SYN2: variants seen among roughly 807,000 people sequenced by gnomAD.
The protein encoded by SYN2 is synapsin-2.
SYN2 carries 19 observed loss-of-function variants against 50.9 expected under a neutral mutation model. That is an observed-to-expected ratio of 0.37 (90% CI 0.26 to 0.55). The LOEUF (loss-of-function observed/expected upper bound fraction) is 0.55, where lower values mean the gene tolerates loss of function less well. Ranked by LOEUF, SYN2 falls within the 20% of genes least tolerant of loss-of-function variation. The probability of loss-of-function intolerance (pLI) is 0.81; values close to 1 mark genes in which losing one functional copy is unlikely to be tolerated. For synonymous variants in SYN2, 255 were observed against 224.9 expected, an observed-to-expected ratio of 1.13 and a Z score of -1.20; for missense variants, 587 against 576.4, an observed-to-expected ratio of 1.02 and a Z score of -0.19.
At chr3:12,073,940 T>C (rs186953841) in intron 1 of SYN2, among the ~76,000 whole-genome samples, 1 of 152,178 alleles carries the variant, frequency 6.6e-6, no homozygotes, top group African/African-American at 2.4e-5. Context: ...AGAGGTTTGT[T>C]AAAATCTACC....
chr3:12,158,809 C>A (rs1338081729), intron 5 of SYN2: 1 of 1,599,422 alleles, frequency 6.3e-7, no homozygotes, highest in East Asian at 2.2e-5. Context: ...CAACAGCACC[C>A]AGCTTGGCGC....
At chr3:12,056,902 C>T (rs1341741412) in intron 1 of SYN2, among the ~76,000 whole-genome samples, 3 of 152,146 alleles carry the variant, frequency 2.0e-5, no homozygotes, top group Non-Finnish European at 2.9e-5. Flanking sequence ...CATGTATATT[C>T]TCACCCTCTC....
chr3:12,061,616 C>T (rs1175243062), intron 1 of SYN2, among the ~76,000 whole-genome samples: 1 of 151,978 alleles, frequency 6.6e-6, no homozygotes, highest in Non-Finnish European at 1.5e-5. Flanking sequence ...TCTTTGTTCA[C>T]AGGTGACATG....
chr3:12,122,273 T>C (rs932416344), intron 1 of SYN2, among the ~76,000 whole-genome samples: 2 of 152,166 alleles, frequency 1.3e-5, no homozygotes, highest in Non-Finnish European at 2.9e-5. Flanking sequence ...CCAGAAGTAA[T>C]TTGAACTCAA....
At chr3:12,161,454 C>T in intron 5 of SYN2, 92 bp from the exon 6 acceptor site, 1 of 1,441,792 alleles carries the variant, frequency 6.9e-7, no homozygotes, top group Non-Finnish European at 9.6e-7. Flanking sequence ...TTAAAGAACC[C>T]TCCCAAGGGT....
At chr3:12,167,020 T>C (rs1697815690) in intron 7 of SYN2, among the ~76,000 whole-genome samples, 1 of 152,212 alleles carries the variant, frequency 6.6e-6, no homozygotes, top group Admixed American at 6.5e-5. Flanking sequence ...GCCAGAGCTG[T>C]CTGGGCAAGA....
intron 1 of SYN2, among the ~76,000 whole-genome samples, chr3:12,116,726 T>G (rs1696439831): frequency 6.6e-6 from 1 of 152,170 alleles, no homozygotes; most frequent in Non-Finnish European, 1.5e-5. Context: ...CTGTGAGCTC[T>G]AAAATCTAGG....
At position 12,004,863 on chromosome 3, in the gene SYN2, T is replaced by TCCCGCG. The variant is rs1297335727; in HGVS notation, c.318_323dup (p.Pro107_Ala108dup). The TCCCGCG allele has an allele frequency of 5.3e-6, 3 of 562,016 alleles. No individual in the cohort carries two copies. The African/African-American group carries it at 6.0e-5, about 11-fold the overall frequency. 34.8% of individuals were successfully genotyped at this position (562,016 alleles called of 1,614,324 possible). A position where few individuals can be genotyped will look rare whatever the true frequency, so the allele number is the denominator to read the frequency against. On this transcript the variant is annotated inframe_insertion, in exon 1 of 13. Coordinates refer to ENST00000621198, the MANE Select transcript of SYN2 (RefSeq NM_133625.6). ...CGGCTGGCCTGGTGGACGCGCCCGC[T>TCCCGCG]CCCGCGCCCGCAGCCGCCAGGAAGG...
At chr3:12,069,296 T>C (rs1341193310) in intron 1 of SYN2, among the ~76,000 whole-genome samples, 2 of 151,680 alleles carry the variant, frequency 1.3e-5, no homozygotes, top group Non-Finnish European at 2.9e-5. Flanking sequence ...TCACCCAGGC[T>C]GGAGTGCAGT....
intron 9 of SYN2, 44 bp downstream of exon 9, chr3:12,168,522 G>A: frequency 6.5e-7 from 1 of 1,529,004 alleles, no homozygotes; most frequent in Non-Finnish European, 9.0e-7. Context: ...TAAGGCTTAA[G>A]AACTATGTGG....
At chr3:12,140,564 G>T in intron 1 of SYN2, 87 bp from the exon 2 acceptor site, 1 of 716,524 alleles carries the variant, frequency 1.4e-6, no homozygotes, top group Non-Finnish European at 2.6e-6. Flanking sequence ...AGATCTGTCT[G>T]CTGTGGTCCT....
intron 1 of SYN2, among the ~76,000 whole-genome samples, chr3:12,045,699 C>T (rs1183572193): frequency 6.6e-6 from 1 of 152,176 alleles, no homozygotes; most frequent in Non-Finnish European, 1.5e-5. Flanking sequence ...TTTGCCCCTA[C>T]AATCTCCACC....
intron 1 of SYN2, among the ~76,000 whole-genome samples, chr3:12,104,473 T>TA (rs750405752): frequency 1.3e-5 from 2 of 151,736 alleles, no homozygotes; most frequent in Non-Finnish European, 1.5e-5. Context: ...ATGTGATTAA[T>TA]ATGTATGATC....
chr3:12,056,309 G>C (rs1426245553), intron 1 of SYN2, among the ~76,000 whole-genome samples: 1 of 152,022 alleles, frequency 6.6e-6, no homozygotes, highest in African/African-American at 2.4e-5. Context: ...ACTGGGACTG[G>C]GTATTGAAGT....
At chr3:12,179,262 A>G (rs1294005847) in intron 10 of SYN2, among the ~76,000 whole-genome samples, 2 of 20,438 alleles carry the variant, frequency 9.8e-5, no homozygotes, top group Non-Finnish European at 7.7e-5. Flanking sequence ...CACAGGTCCA[A>G]TAACCCTAGG....
At chr3:12,159,404 T>G (rs2125233874) in intron 5 of SYN2, 1 of 153,240 alleles carries the variant, frequency 6.5e-6, no homozygotes, top group East Asian at 1.9e-4. Flanking sequence ...CTGCAGGAAG[T>G]GCTTTCAATG....
At chr3:12,155,568 G>T (rs1411944182) in intron 5 of SYN2, among the ~76,000 whole-genome samples, 1 of 152,168 alleles carries the variant, frequency 6.6e-6, no homozygotes, top group African/African-American at 2.4e-5. Flanking sequence ...AAAGTGAGGG[G>T]CTGGGAACTG....
chr3:12,082,261 C>T (rs1695598936), intron 1 of SYN2, among the ~76,000 whole-genome samples: 1 of 152,300 alleles, frequency 6.6e-6, no homozygotes, highest in African/African-American at 2.4e-5. Flanking sequence ...TCATTAGACT[C>T]AGTGCCCAAA....
chr3:12,025,611 C>T (rs1574893839), intron 1 of SYN2, among the ~76,000 whole-genome samples: 2 of 152,262 alleles, frequency 1.3e-5, no homozygotes, highest in Admixed American at 1.3e-4. Flanking sequence ...AATCACATTA[C>T]ATAGAAACTA....
Sources: gnomAD v4.1 joint callset for allele counts (sites outside exome capture counted in the v4.1 genomes callset) on GRCh38, gnomAD v4.1.1 for gene constraint, MANE v1.5 for transcripts, NCBI Gene and HGNC (gene_info 2026-07-23, HGNC 2026-07-21) for gene names.